GSE1: variants seen among roughly 807,000 people sequenced by gnomAD.
GSE1 encodes Gse1 coiled-coil protein.
Under a neutral mutation model 112.6 loss-of-function variants are expected in GSE1, and 32 were observed. The observed-to-expected ratio is 0.28, with a 90% CI of 0.21 to 0.38. The LOEUF (loss-of-function observed/expected upper bound fraction) is 0.38, where lower values mean the gene tolerates loss of function less well. Among genes scored for constraint, GSE1 ranks in the 10% least tolerant of loss-of-function variants. The probability of loss-of-function intolerance (pLI) is 1.00; values close to 1 mark genes in which losing one functional copy is unlikely to be tolerated. For synonymous variants in GSE1, 1,115 were observed against 735.6 expected (o/e 1.52, Z -8.35); for missense variants, 2,348 against 1,699.2 (o/e 1.38, Z -6.71).
At chr16:85,496,306 G>A (rs970111253) in intron 2 of GSE1, among the ~76,000 whole-genome samples, 41 of 152,280 alleles carry the variant, frequency 2.7e-4, no homozygotes, top group Admixed American at 5.2e-4. Flanking sequence ...GACCGGGATG[G>A]TTACAACAGG....
At chr16:85,554,846 G>A (rs943203616), upstream of GSE1, 5 of 984,004 alleles carry the variant, frequency 5.1e-6, no homozygotes, top group African/African-American at 3.5e-5. Context: ...GCAGCCGGAG[G>A]GGGGGCCAGC....
At chr16:85,496,526 T>A (rs761025948) in intron 2 of GSE1, among the ~76,000 whole-genome samples, 3 of 151,674 alleles carry the variant, frequency 2.0e-5, no homozygotes, top group Non-Finnish European at 4.4e-5. Context: ...GTCTGCGGAG[T>A]GGCAGCCAGG....
intron 2 of GSE1, among the ~76,000 whole-genome samples, chr16:85,422,314 G>A (rs889011998): frequency 1.1e-4 from 16 of 152,194 alleles, no homozygotes; most frequent in Non-Finnish European, 2.2e-4. Flanking sequence ...CCGCACAGGC[G>A]AGGCTCCCGG....
chr16:85,251,859 C>G (rs1187352273), intron 1 of GSE1, among the ~76,000 whole-genome samples: 1 of 152,218 alleles, frequency 6.6e-6, no homozygotes, highest in African/African-American at 2.4e-5. Flanking sequence ...GTGCGGAACC[C>G]CTATCCCATC....
At chr16:85,555,526 T>C (rs955560158), upstream of GSE1, 559 of 984,488 alleles carry the variant, frequency 5.7e-4, no homozygotes, top group South Asian at 2.6e-3. Flanking sequence ...CGGTACTTCT[T>C]GGCTGTTTGG....
At chr16:85,516,959 G>A (rs932376741) in intron 2 of GSE1, among the ~76,000 whole-genome samples, 3 of 152,068 alleles carry the variant, frequency 2.0e-5, no homozygotes, top group Admixed American at 1.3e-4. Flanking sequence ...CACCACGCCC[G>A]GCTAATTTTT....
chr16:85,606,231 C>A (rs11866745), intron 1 of GSE1, among the ~76,000 whole-genome samples: 21,900 of 152,202 alleles, frequency 0.14, 5,059 homozygotes, highest in African/African-American at 0.49. Context: ...TTACATCACC[C>A]ATGTTGACAG....
intron 1 of GSE1, among the ~76,000 whole-genome samples, chr16:85,186,944 A>G (rs968900903): frequency 6.6e-6 from 1 of 152,222 alleles, no homozygotes; most frequent in Non-Finnish European, 1.5e-5. Flanking sequence ...GTACCAGGGA[A>G]GTTGACTTCC....
At chr16:85,394,731 C>T (rs1444825033) in intron 2 of GSE1, among the ~76,000 whole-genome samples, 2 of 152,184 alleles carry the variant, frequency 1.3e-5, no homozygotes, top group Non-Finnish European at 2.9e-5. Context: ...CCGTCCGTCT[C>T]CCCCGAGAAC....
chr16:85,588,003 T>G (rs2046787747), intron 1 of GSE1, among the ~76,000 whole-genome samples: 1 of 152,150 alleles, frequency 6.6e-6, no homozygotes, highest in East Asian at 1.9e-4. Context: ...CACCTGGCTG[T>G]CACCGTCCCC....
chr16:85,643,377 G>T, intron 2 of GSE1, among the ~76,000 whole-genome samples: 1 of 152,326 alleles, frequency 6.6e-6, no homozygotes, highest in Admixed American at 6.5e-5. Flanking sequence ...GATCGAGGCT[G>T]AGCTGGCTGG....
rs1398008503 is a variant in GSE1 at position 85,673,212 on chromosome 16, G to GAGCTCTGTGTATACAC, written c.*678_*693dup. 1 of 152,542 alleles carries GAGCTCTGTGTATACAC rather than the reference G, an allele frequency of 6.6e-6. No individual in the cohort carries two copies. Among genetic ancestry groups the GAGCTCTGTGTATACAC allele is most frequent in the Non-Finnish European group, 1.5e-5 (1 of 68,036 alleles). 9.4% of individuals were successfully genotyped at this position (152,542 alleles called of 1,614,324 possible). On this transcript the variant is annotated 3_prime_UTR_variant, in exon 16 of 16. Coordinates refer to ENST00000253458, the MANE Select transcript of GSE1 (RefSeq NM_014615.5). ...TATTACTCCGTGGGGAGCATGTACA[G>GAGCTCTGTGTATACAC]AGCTCTGTGTATACACAGCTTCACA...
chr16:85,606,503 C>T (rs543679253), upstream of GSE1, among the ~76,000 whole-genome samples: 8 of 152,206 alleles, frequency 5.3e-5, no homozygotes, highest in African/African-American at 1.4e-4. Context: ...CCACCAGAGG[C>T]GGCTCCTGGC....
chr16:85,204,175 C>A (rs1253551063), intron 1 of GSE1, among the ~76,000 whole-genome samples: 1 of 152,226 alleles, frequency 6.6e-6, no homozygotes, highest in Non-Finnish European at 1.5e-5. Flanking sequence ...TCCTTTCCGT[C>A]TACAGATTTT....
chr16:85,632,903 T>C (rs1305931349), intron 1 of GSE1, among the ~76,000 whole-genome samples: 3 of 152,170 alleles, frequency 2.0e-5, no homozygotes, highest in African/African-American at 7.2e-5. Context: ...GGGCTTTTAT[T>C]GATTGGACAC....
In GSE1 at chr16:85,661,271, C is replaced by G. The variant is rs781335711; in HGVS notation, c.1766C>G (p.Ser589Cys). 1.9e-6 allele frequency: 3 copies of G among 1,612,850 alleles called. No individual in the cohort carries two copies. Among genetic ancestry groups the G allele is most frequent in the African/African-American group, 2.7e-5 (2 of 74,928 alleles). ...AAPTALWNPV[S>C]LMDNTLETRR... ...CCCACGGCCCTCTGGAACCCCGTGT[C>G]CCTGATGGACAACACCTTGGAGACG... The change falls in exon 9 of 16, where the codon TCC (serine) becomes TGC (cysteine). Residue 589 changes from serine to cysteine, a missense_variant. Coordinates refer to ENST00000253458, the MANE Select transcript of GSE1 (RefSeq NM_014615.5).
At chr16:85,567,786 G>C (rs140334839) in intron 1 of GSE1, among the ~76,000 whole-genome samples, 3 of 152,160 alleles carry the variant, frequency 2.0e-5, no homozygotes, top group Non-Finnish European at 2.9e-5. Flanking sequence ...GTAGTGGTGC[G>C]ATCTCAGCTC....
At position 85,666,304 on chromosome 16, in the gene GSE1, G is replaced by A. The variant is rs776821352; in HGVS notation, c.3087G>A (p.Glu1029=). 3.1e-6 allele frequency: 5 copies of A among 1,613,774 alleles called. No homozygotes were observed. The South Asian group carries it at 3.3e-5, about 11-fold the overall frequency. ...AAGAGTTTGCACATCAGTTCCACGAGTCAGTGCTGCAGTCCACCCAGAAGG... is the reference window on the plus strand; with the variant it reads ...AAGAGTTTGCACATCAGTTCCACGAATCAGTGCTGCAGTCCACCCAGAAGG... The part of the protein sequence containing the change: ...VAEEFAHQFH[E]SVLQSTQKAL... Residue 1029 remains glutamate, a synonymous_variant, in exon 13 of 16, where the codon GAG becomes GAA. Coordinates refer to ENST00000253458, the MANE Select transcript of GSE1 (RefSeq NM_014615.5).
chr16:85,179,186 C>T (rs988000802), intron 1 of GSE1, among the ~76,000 whole-genome samples: 4 of 152,124 alleles, frequency 2.6e-5, no homozygotes, highest in Admixed American at 6.5e-5. Flanking sequence ...ACCCCTGGCA[C>T]CCACTCGTCT....
Sources: gnomAD v4.1 joint callset for allele counts (sites outside exome capture counted in the v4.1 genomes callset) on GRCh38, gnomAD v4.1.1 for gene constraint, MANE v1.5 for transcripts, NCBI Gene and HGNC (gene_info 2026-07-23, HGNC 2026-07-21) for gene names.